KIF26B: variants seen among roughly 807,000 people sequenced by gnomAD.
KIF26B encodes the protein kinesin family member 26B.
A neutral mutation model predicts 151.2 loss-of-function variants in KIF26B; 63 were observed. The observed-to-expected ratio is 0.42, with a 90% confidence interval of 0.34 to 0.51. KIF26B has a LOEUF of 0.51. Ranked by LOEUF, KIF26B falls within the 20% of genes least tolerant of loss-of-function variation. KIF26B has a pLI of 0.07. For missense variants in KIF26B, 2,813 were observed against 2,913.6 expected (o/e 0.97, Z 0.79); for synonymous variants, 1,357 against 1,262.1 (o/e 1.08, Z -1.59).
intron 4 of KIF26B, among the ~76,000 whole-genome samples, chr1:245,530,175 G>T (rs1431757051): frequency 2.6e-5 from 4 of 152,124 alleles, no homozygotes; most frequent in Non-Finnish European, 5.9e-5. Flanking sequence ...CAAAAATCAG[G>T]CAATAACAAA....
chr1:245,247,040 G>A (rs1670347913), intron 2 of KIF26B, among the ~76,000 whole-genome samples: 1 of 152,114 alleles, frequency 6.6e-6, no homozygotes, highest in Non-Finnish European at 1.5e-5. Flanking sequence ...TGTAAGTGCA[G>A]AGGGGCCAGA....
chr1:245,212,036 G>T (rs1669545732), intron 2 of KIF26B, among the ~76,000 whole-genome samples: 1 of 152,144 alleles, frequency 6.6e-6, no homozygotes, highest in Admixed American at 6.5e-5. Flanking sequence ...TCTTGAGGAA[G>T]GGTCCCCCCT....
At chr1:245,199,433 C>T (rs1669258009) in intron 2 of KIF26B, among the ~76,000 whole-genome samples, 1 of 151,964 alleles carries the variant, frequency 6.6e-6, no homozygotes, top group Non-Finnish European at 1.5e-5. Context: ...ATAATCTGAC[C>T]CATGTGTCTC....
At chr1:245,452,530 A>G (rs1659420808) in intron 4 of KIF26B, among the ~76,000 whole-genome samples, 1 of 152,196 alleles carries the variant, frequency 6.6e-6, no homozygotes, top group Non-Finnish European at 1.5e-5. Context: ...TGTTTTCCAC[A>G]GCGGCTGCCC....
At chr1:245,421,335 C>T (rs1658482928) in intron 4 of KIF26B, among the ~76,000 whole-genome samples, 2 of 152,150 alleles carry the variant, frequency 1.3e-5, no homozygotes, top group South Asian at 4.1e-4. Flanking sequence ...CATGGATGCC[C>T]TCAGCTATCT....
chr1:245,528,882 T>C (rs1661299983), intron 4 of KIF26B, among the ~76,000 whole-genome samples: 1 of 152,216 alleles, frequency 6.6e-6, no homozygotes, highest in Non-Finnish European at 1.5e-5. Context: ...GACCTAGAAC[T>C]TGTTGTCTAG....
rs538512966 is a variant in KIF26B, at chr1:245,687,720, G to A, written c.4737G>A (p.Gly1579=). 3.8e-6 allele frequency: 6 copies of A among 1,579,890 alleles called. No individual in the cohort carries two copies. In the South Asian group the frequency reaches 5.8e-5, roughly 15 times the overall value. Residue 1579 remains glycine, a synonymous_variant, in exon 12 of 15, where the codon GGG becomes GGA. Coordinates refer to ENST00000407071, the MANE Select transcript of KIF26B (RefSeq NM_018012.4). This position sits in a 1 kb window ranked among gnomAD's most constrained non-coding sequence, Gnocchi z 4.9. ...CGCCCTCCAAGGCTACCCTGGAGGG[G>A]AAGGTGGCTTCCCCCAAGCACTGTG... ...GTPPSKATLE[G]KVASPKHCVL...
intron 5 of KIF26B, among the ~76,000 whole-genome samples, chr1:245,551,444 A>G (rs1213995889): frequency 6.6e-6 from 1 of 152,194 alleles, no homozygotes; most frequent in Admixed American, 6.5e-5. Context: ...ACTCGCTGGG[A>G]GGTATTTTTA....
At chr1:245,229,742 C>T (rs1290125005) in intron 2 of KIF26B, among the ~76,000 whole-genome samples, 1 of 152,218 alleles carries the variant, frequency 6.6e-6, no homozygotes, top group Admixed American at 6.5e-5. Context: ...TGGATTAAAA[C>T]AAAGTGACTG....
At chr1:245,615,354 C>T (rs1047725372) in intron 9 of KIF26B, among the ~76,000 whole-genome samples, 5 of 152,100 alleles carry the variant, frequency 3.3e-5, no homozygotes, top group Admixed American at 1.3e-4. Flanking sequence ...ACTCTGTTTT[C>T]GGTTTTGTAC....
chr1:245,474,954 T>C (rs10436929), intron 4 of KIF26B, among the ~76,000 whole-genome samples: 9 of 151,812 alleles, frequency 5.9e-5, no homozygotes, highest in African/African-American at 2.2e-4. Context: ...GTTGTACAGC[T>C]CTTCTCTCAT....
intron 14 of KIF26B, among the ~76,000 whole-genome samples, chr1:245,701,779 C>T (rs535378721): frequency 1.3e-5 from 2 of 152,304 alleles, no homozygotes; most frequent in South Asian, 4.1e-4. Context: ...CCTGGGGTTC[C>T]AGGGCCATCC....
chr1:245,205,890 C>A (rs1247719231), intron 2 of KIF26B, among the ~76,000 whole-genome samples: 1 of 148,492 alleles, frequency 6.7e-6, no homozygotes, highest in East Asian at 2.1e-4. Context: ...CAGGTGCCCA[C>A]ATCTGGCTAA....
chr1:245,556,785 C>A (rs1383420239), intron 5 of KIF26B, among the ~76,000 whole-genome samples: 1 of 152,202 alleles, frequency 6.6e-6, no homozygotes, highest in Non-Finnish European at 1.5e-5. Flanking sequence ...GTGATCCTCC[C>A]ACCTCAGCCT....
At chr1:245,459,516 C>A (rs1273509481) in intron 4 of KIF26B, among the ~76,000 whole-genome samples, 1 of 152,210 alleles carries the variant, frequency 6.6e-6, no homozygotes, top group East Asian at 1.9e-4. Flanking sequence ...ACAGTCAACA[C>A]AGTCAAATCC....
intron 4 of KIF26B, among the ~76,000 whole-genome samples, chr1:245,514,264 C>T (rs927641644): frequency 1.3e-5 from 2 of 152,158 alleles, no homozygotes; most frequent in Admixed American, 6.5e-5. Context: ...CAGTGGCTCA[C>T]ACCTGTAATC....
At chr1:245,267,634 G>GCA (rs66498609) in intron 2 of KIF26B, among the ~76,000 whole-genome samples, 20,562 of 135,572 alleles carry the variant, frequency 0.15, 1,798 homozygotes, top group Non-Finnish European at 0.21. Flanking sequence ...GCTAAGTAAT[G>GCA]CACACACACA....
chr1:245,643,607 TA>T (rs1316322983), intron 9 of KIF26B, among the ~76,000 whole-genome samples: 4 of 152,234 alleles, frequency 2.6e-5, no homozygotes, highest in South Asian at 2.1e-4. Flanking sequence ...TAAAGAGATT[TA>T]AAGTAATAAA....
intron 3 of KIF26B, among the ~76,000 whole-genome samples, chr1:245,401,138 T>C (rs1481528133): frequency 6.6e-6 from 1 of 152,236 alleles, no homozygotes; most frequent in African/African-American, 2.4e-5. Flanking sequence ...AAAAGCGACT[T>C]GTTTTTTGAA....
Sources: gnomAD v4.1 joint callset for allele counts (sites outside exome capture counted in the v4.1 genomes callset) on GRCh38, gnomAD v4.1.1 for gene constraint, Gnocchi (gnomAD v3.1) non-coding constraint, MANE v1.5 for transcripts, NCBI Gene and HGNC (gene_info 2026-07-23, HGNC 2026-07-21) for gene names.